The following TEDC2 variants were observed in gnomAD, a reference collection of about 807,000 sequenced individuals.
TEDC2 encodes the protein tubulin epsilon and delta complex protein 2.
Under a neutral mutation model 48.1 loss-of-function variants are expected in TEDC2, and 49 were observed. The ratio of observed to expected loss-of-function variants is 1.02; its 90% CI spans 0.81 to 1.29. TEDC2 has a LOEUF of 1.29. Ranked by LOEUF, TEDC2 falls within the 50% of genes most tolerant of loss-of-function variation. TEDC2 has a pLI of 0.00. For missense variants in TEDC2, 631 were observed against 571.4 expected, an observed-to-expected ratio of 1.10 and a Z score of -1.06; for synonymous variants, 299 against 247.1, an observed-to-expected ratio of 1.21 and a Z score of -1.97.
chr16:2,460,220 G>A (rs2065456489), intron 1 of TEDC2, 50 bp downstream of exon 1: 1 of 1,454,748 alleles, frequency 6.9e-7, no homozygotes, highest in East Asian at 2.9e-5. Context: ...CGGGCCGGTA[G>A]CCAGGCGCGG....
At position 2,462,717 on chromosome 16, in the gene TEDC2, C is replaced by A. The variant is rs1054926486; in HGVS notation, c.949C>A (p.Gln317Lys). The A allele has an allele frequency of 1.3e-6, 2 of 1,542,586 alleles. No homozygotes were observed. Among genetic ancestry groups the A allele is most frequent in the Non-Finnish European group, 1.7e-6 (2 of 1,146,296 alleles). ...GGTGGGCCAGTGTCTGCACAGGCTG[C>A]AGGAGCTGCGTGCAGGTGAGACCCC... Reference protein sequence around the residue: ...AMVGQCLHRLQELRAAVAEQP... With the variant: ...AMVGQCLHRLKELRAAVAEQP... Residue 317 changes from glutamine (Q) to lysine (K), a missense_variant, in exon 8 of 10, where the codon CAG becomes AAG. Physicochemically the swap from Gln to Lys is moderately conservative, Grantham distance 53. Transcript: ENST00000361837.
At position 2,461,790 on chromosome 16, in the gene TEDC2, C is replaced by T. The variant is rs1236337106; in HGVS notation, c.649C>T (p.Gln217Ter). ...TGCGGCATTCAGGAAAGCAGCTTCC[C>T]AGAACTCGAGGTGAGGCTGAGGTCT... ...LPAAFRKAAS[Q>*]NSSLWAQLSS... The change falls in exon 5 of 10, where the codon CAG becomes TAG. Residue 217 changes from glutamine (Q) to a stop codon, truncating the protein, a stop_gained. Transcript: ENST00000361837. LOFTEE classifies it high-confidence loss of function. The T allele has an allele frequency of 1.2e-6, 2 of 1,613,466 alleles. No homozygotes were observed. The highest frequency in any genetic ancestry group is 2.2e-5 in the East Asian group (1 of 44,882).
chr16:2,461,591 A>G (rs1444232457), intron 4 of TEDC2, 156 bp from the exon 5 acceptor site: 1 of 855,738 alleles, frequency 1.2e-6, no homozygotes, highest in South Asian at 1.6e-5. Flanking sequence ...TCCTATGGCC[A>G]CTCTGGAAGC....
chr16:2,460,639 C>T lies in TEDC2; in HGVS notation c.142C>T (p.Arg48Trp), dbSNP rs1762313718. ...TCTTTGCAGGGAACCAACTGGGACC[C>T]GGGCTTTGAAGCCACCTCCAGGGCC... ...LLHAWEPTGTRALKPPPGPET... is the reference protein window; with the variant it reads ...LLHAWEPTGTWALKPPPGPET... The change falls in exon 3 of 10, where the codon CGG (arginine) becomes TGG (tryptophan). Residue 48 changes from arginine (R) to tryptophan (W), a missense_variant. Coordinates refer to ENST00000361837, the MANE Select transcript of TEDC2 (RefSeq NM_025108.3). 1.2e-6 allele frequency: 2 copies of T among 1,612,992 alleles called. No homozygotes were observed. Among genetic ancestry groups the T allele is most frequent in the Non-Finnish European group, 8.5e-7 (1 of 1,179,968 alleles).
chr16:2,462,007 C>A, intron 5 of TEDC2, 142 bp from the exon 6 acceptor site: 1 of 1,083,276 alleles, frequency 9.2e-7, no homozygotes, highest in South Asian at 1.5e-5. Context: ...CCTCTGGAGG[C>A]CCCTCCTGGC....
rs74003004 is a variant in TEDC2, at chr16:2,461,742, G to A, written c.606-5G>A. ...TGCTCCTCTGAACACGGGCTTCTCC[G>A]ACAGGCACCTGCTGCGGCTGCCTGC... is the stretch of plus-strand genomic sequence containing the variant. On this transcript the variant is annotated splice_region_variant and splice_polypyrimidine_tract_variant and intron_variant, in intron 4 of 9. Coordinates refer to ENST00000361837, the MANE Select transcript of TEDC2 (RefSeq NM_025108.3). 4.3e-6 allele frequency: 7 copies of A among 1,613,116 alleles called. No homozygotes were observed. Among genetic ancestry groups the A allele is most frequent in the African/African-American group, 1.3e-5 (1 of 74,906 alleles).
Position 2,460,618 on chromosome 16 carries a change from T to C in TEDC2, c.126-5T>C. The C allele has an allele frequency of 6.2e-7, 1 of 1,612,828 alleles. No individual in the cohort carries two copies. The highest frequency in any genetic ancestry group is 8.5e-7 in the Non-Finnish European group (1 of 1,179,904). On this transcript the variant is annotated splice_polypyrimidine_tract_variant and splice_region_variant and intron_variant, in intron 2 of 9. Transcript: ENST00000361837. ...GCCGTGCGACGGCTGCCCGTGTCTT[T>C]GCAGGGAACCAACTGGGACCCGGGC... is the stretch of plus-strand genomic sequence containing the variant.
intron 5 of TEDC2, 137 bp downstream of exon 5, chr16:2,461,937 T>TCTGCC: frequency 7.9e-7 from 1 of 1,263,408 alleles, no homozygotes; most frequent in Admixed American, 1.9e-5. Flanking sequence ...ATGTTAAAAA[T>TCTGCC]CTGCCAGCCG....
chr16:2,460,339 T>A lies in TEDC2; in HGVS notation c.83T>A (p.Leu28Ter). ...LDACAQRQLQ[L>*]EQSLRVCRRL... Reference sequence around the variant, plus strand: ...GCCTGCGCACAGCGACAATTGCAATTGGAGCAGAGCCTGCGCGTTTGCCGT... The same window carrying A: ...GCCTGCGCACAGCGACAATTGCAATAGGAGCAGAGCCTGCGCGTTTGCCGT... Residue 28 changes from leucine (L) to a stop codon, truncating the protein, a stop_gained, in exon 2 of 10, where the codon TTG (leucine) becomes TAG (stop). Coordinates refer to ENST00000361837, the MANE Select transcript of TEDC2 (RefSeq NM_025108.3). LOFTEE classifies it high-confidence loss of function. 2 of 1,541,564 alleles carry A rather than the reference T, an allele frequency of 1.3e-6. No homozygotes were observed. Among genetic ancestry groups the A allele is most frequent in the Non-Finnish European group, 1.7e-6 (2 of 1,145,348 alleles).
chr16:2,462,531 G>A lies in TEDC2; in HGVS notation c.862+5G>A, dbSNP rs2065473397. On this transcript the variant is annotated splice_donor_5th_base_variant and intron_variant, in intron 7 of 9. Coordinates refer to ENST00000361837, the MANE Select transcript of TEDC2 (RefSeq NM_025108.3). ...TGAGGGAGGAGCTCTCGGCAGGTCA[G>A]TGGGTCCTGGGTCTGTATCAGGAGG... 2 of 1,592,984 alleles carry A rather than the reference G, an allele frequency of 1.3e-6. No homozygotes were observed. Among genetic ancestry groups the A allele is most frequent in the Non-Finnish European group, 1.7e-6 (2 of 1,170,454 alleles).
chr16:2,462,269 G>A (rs2065471517), intron 6 of TEDC2, 30 bp downstream of exon 6: 1 of 1,610,892 alleles, frequency 6.2e-7, no homozygotes, highest in South Asian at 1.1e-5. Context: ...GGGAGCCCTG[G>A]GGGCCTCTAG....
At position 2,460,652 on chromosome 16, in the gene TEDC2, C is replaced by T; in HGVS notation, c.155C>T (p.Pro52Leu). 1 of 1,613,070 alleles carries T rather than the reference C, an allele frequency of 6.2e-7. No individual in the cohort carries two copies. Among genetic ancestry groups the T allele is most frequent in the Non-Finnish European group, 8.5e-7 (1 of 1,179,998 alleles). Residue 52 changes from proline (P) to leucine (L), a missense_variant, in exon 3 of 10, where the codon CCA becomes CTA. Transcript: ENST00000361837. ...CCAACTGGGACCCGGGCTTTGAAGC[C>T]ACCTCCAGGGCCAGAAACTAATGGA... ...WEPTGTRALK[P>L]PPGPETNGED...
In TEDC2 at chr16:2,464,573, C is replaced by CCG; in HGVS notation, c.1209_1210dup (p.Pro404ArgfsTer68). The CCG allele has an allele frequency of 6.2e-7, 1 of 1,606,842 alleles. No individual in the cohort carries two copies. Among genetic ancestry groups the CCG allele is most frequent in the Non-Finnish European group, 8.5e-7 (1 of 1,179,262 alleles). On this transcript the variant is annotated frameshift_variant, in exon 10 of 10. Coordinates refer to ENST00000361837, the MANE Select transcript of TEDC2 (RefSeq NM_025108.3). LOFTEE classifies it low-confidence loss of function (END_TRUNC). ...GGTAAGCGCTGCACAGCCGCAGGGG[C>CCG]CGCCCTGGCTGGCCCTGTGCCGGGC...
intron 9 of TEDC2, 134 bp from the exon 10 acceptor site, chr16:2,464,388 G>A: frequency 4.5e-6 from 6 of 1,319,372 alleles, no homozygotes; most frequent in Non-Finnish European, 3.1e-6. Flanking sequence ...AGACGGGGCT[G>A]GGACGGCAGG....
At position 2,461,076 on chromosome 16, in the gene TEDC2, C is replaced by T. The variant is rs545366896; in HGVS notation, c.457C>T (p.Pro153Ser). 6 of 1,598,412 alleles carry T rather than the reference C, an allele frequency of 3.8e-6. 1 individual carries two copies. The South Asian group carries it at 5.6e-5, about 15-fold the overall frequency. ...GACCACGGTGCCTGCCAAGGGCCAC[C>T]CTGAGCGCCGGCTGCTGTCAGTGGG... is the stretch of plus-strand genomic sequence containing the variant. ...RQTTVPAKGH[P>S]ERRLLSVGDG... The change falls in exon 4 of 10, where the codon CCT (proline) becomes TCT (serine). Residue 153 changes from proline (P) to serine (S), a missense_variant. Pro to Ser is a moderately conservative substitution (Grantham distance 74, BLOSUM62 -1). Coordinates refer to ENST00000361837, the MANE Select transcript of TEDC2 (RefSeq NM_025108.3).
intron 9 of TEDC2, 138 bp downstream of exon 9, chr16:2,464,367 G>A (rs1012873485): frequency 1.1e-5 from 15 of 1,347,444 alleles, no homozygotes; most frequent in Non-Finnish European, 1.3e-5. Flanking sequence ...GGGTTGGGAA[G>A]TGCATGGGTC....
At chr16:2,463,585 C>A (rs1172822486) in intron 8 of TEDC2, among the ~76,000 whole-genome samples, 3 of 151,594 alleles carry the variant, frequency 2.0e-5, no homozygotes, top group African/African-American at 7.3e-5. Context: ...TGAGATTGCA[C>A]CACTGCACTC....
intron 8 of TEDC2, among the ~76,000 whole-genome samples, chr16:2,463,191 G>T (rs1272647554): frequency 6.6e-6 from 1 of 152,110 alleles, no homozygotes; most frequent in Admixed American, 6.6e-5. Flanking sequence ...CGTGGTGGTG[G>T]GCGCCTGTAG....
In TEDC2 at chr16:2,461,742, G is replaced by C. The variant is rs74003004; in HGVS notation, c.606-5G>C. On this transcript the variant is annotated splice_region_variant and splice_polypyrimidine_tract_variant and intron_variant, in intron 4 of 9. Coordinates refer to ENST00000361837, the MANE Select transcript of TEDC2 (RefSeq NM_025108.3). The stretch of plus-strand genomic sequence containing the variant: ...TGCTCCTCTGAACACGGGCTTCTCC[G>C]ACAGGCACCTGCTGCGGCTGCCTGC... The C allele has an allele frequency of 3.3e-3, 5,261 of 1,613,224 alleles. 149 individuals are homozygous for C. The African/African-American group carries it at 0.062, about 19-fold the overall frequency.
Sources: allele counts gnomAD v4.1 joint callset (sites outside exome capture counted in the v4.1 genomes callset), GRCh38; gene constraint gnomAD v4.1.1; transcripts MANE v1.5; gene names NCBI Gene and HGNC (gene_info 2026-07-23, HGNC 2026-07-21).